COL12A1: variants seen among roughly 807,000 people sequenced by gnomAD.
COL12A1 encodes the protein collagen type XII alpha 1 chain.
A neutral mutation model predicts 349.7 loss-of-function variants in COL12A1; 114 were observed. The ratio of observed to expected loss-of-function variants is 0.33; its 90% CI spans 0.28 to 0.38. COL12A1 has a LOEUF of 0.38. Among genes scored for constraint, COL12A1 ranks in the 10% least tolerant of loss-of-function variants. The probability of loss-of-function intolerance (pLI) is 1.00; values close to 1 mark genes in which losing one functional copy is unlikely to be tolerated. For missense variants in COL12A1, 3,284 were observed against 3,756.9 expected (o/e 0.87, Z 3.29); for synonymous variants, 1,369 against 1,329.0 (o/e 1.03, Z -0.66).
At chr6:75,121,506 A>G (rs1027871528) in intron 43 of COL12A1, 65 bp from the exon 44 acceptor site, 2 of 1,456,108 alleles carry the variant, frequency 1.4e-6, no homozygotes, top group Non-Finnish European at 1.8e-6. Context: ...ATGAAATCAC[A>G]TAATTGAAAA....
chr6:75,202,189 T>A (rs574504906), intron 2 of COL12A1, among the ~76,000 whole-genome samples: 2 of 152,364 alleles, frequency 1.3e-5, no homozygotes, highest in East Asian at 3.9e-4. Flanking sequence ...CTGGCTCATC[T>A]GCCCGCACCG....
chr6:75,183,922 A>G lies in COL12A1; in HGVS notation c.1220T>C (p.Met407Thr). The G allele has an allele frequency of 6.2e-7, 1 of 1,614,130 alleles. No individual in the cohort carries two copies. The highest frequency in any genetic ancestry group is 8.5e-7 in the Non-Finnish European group (1 of 1,180,028). ...GGGTTCACTGGATGTCATTCCCTTC[A>G]TGGCGGAAACACTGATCTGGTATTC... Reference protein sequence around the residue: ...DTEYQISVSAMKGMTSSEPIS... With the variant: ...DTEYQISVSATKGMTSSEPIS... The change falls in exon 9 of 66, where the codon ATG (methionine) becomes ACG (threonine). Residue 407 changes from methionine (M) to threonine (T), a missense_variant. By Grantham distance (81) the Met-to-Thr change is moderately conservative. This residue lies in a region of COL12A1 where 2,601 missense variants were observed against 2,824.8 expected (regional missense o/e 0.92). Coordinates refer to ENST00000322507, the MANE Select transcript of COL12A1 (RefSeq NM_004370.6).
rs1163190468 is a variant in COL12A1 at position 75,189,471 on chromosome 6, T to A, written c.658+81A>T. On this transcript the variant is annotated intron_variant, in intron 6 of 65. Transcript: ENST00000322507. ...TGTGAACAATGTCAAAAATATTTAA[T>A]ATGTAATAGGCAATGCATCATTTCT... The A allele has an allele frequency of 1.9e-6, 3 of 1,569,838 alleles. No individual in the cohort carries two copies. The African/African-American group carries it at 4.1e-5, about 22-fold the overall frequency.
At chr6:75,155,976 G>C in intron 15 of COL12A1, 122 bp from the exon 16 acceptor site, 1 of 1,055,242 alleles carries the variant, frequency 9.5e-7, no homozygotes, top group Non-Finnish European at 1.3e-6. Flanking sequence ...GCACAAAATA[G>C]CATGTTCCAT....
At position 75,183,465 on chromosome 6, in the gene COL12A1, G is replaced by C; in HGVS notation, c.1476C>G (p.Phe492Leu). The C allele has an allele frequency of 1.2e-6, 2 of 1,614,128 alleles. No homozygotes were observed. The highest frequency in any genetic ancestry group is 2.2e-5 in the South Asian group (2 of 91,068). ...VQYSRDPHTEFTLKKFTKVED... is the reference protein window; with the variant it reads ...VQYSRDPHTELTLKKFTKVED... ...CAACTTTGGTGAATTTTTTCAAAGT[G>C]AACTCAGTATGAGGATCCCGGCTGT... is the stretch of plus-strand genomic sequence containing the variant. Residue 492 changes from phenylalanine to leucine, a missense_variant, in exon 10 of 66, where the codon TTC (phenylalanine) becomes TTG (leucine). This residue lies in a region of COL12A1 where 2,601 missense variants were observed against 2,824.8 expected (regional missense o/e 0.92). Transcript: ENST00000322507.
intron 37 of COL12A1, among the ~76,000 whole-genome samples, chr6:75,128,893 C>A (rs1023967423): frequency 2.6e-5 from 4 of 152,202 alleles, no homozygotes; most frequent in Non-Finnish European, 4.4e-5. Flanking sequence ...GACTAACTTT[C>A]TGGCCTCAAA....
In COL12A1 at chr6:75,125,225, G is replaced by T. The variant is rs1281116658; in HGVS notation, c.6509C>A (p.Thr2170Asn). The T allele has an allele frequency of 1.2e-6, 2 of 1,610,622 alleles. No individual in the cohort carries two copies. Among genetic ancestry groups the T allele is most frequent in the South Asian group, 1.1e-5 (1 of 90,414 alleles). The change falls in exon 40 of 66, where the codon ACC becomes AAC. Residue 2170 changes from threonine (T) to asparagine (N), a missense_variant. Coordinates refer to ENST00000322507, the MANE Select transcript of COL12A1 (RefSeq NM_004370.6). ...EAFVGEMTSY[T>N]LHNLNPSTTY... ...GGTGCTGGGATTGAGATTGTGTAAGGTATATGATGTCATTTCTCCAACAAA... is the reference window on the plus strand; with the variant it reads ...GGTGCTGGGATTGAGATTGTGTAAGTTATATGATGTCATTTCTCCAACAAA...
chr6:75,168,307 T>C (rs553935057), intron 13 of COL12A1, among the ~76,000 whole-genome samples: 18 of 152,360 alleles, frequency 1.2e-4, no homozygotes, highest in Admixed American at 9.1e-4. Context: ...GTTGTACTCA[T>C]GACAAGTAAA....
chr6:75,126,737 G>C (rs1217361608), intron 38 of COL12A1, among the ~76,000 whole-genome samples: 1 of 152,078 alleles, frequency 6.6e-6, no homozygotes, highest in East Asian at 1.9e-4. Context: ...GAGCGGAAGT[G>C]TTCTATGACT....
At position 75,182,902 on chromosome 6, in the gene COL12A1, G is replaced by GA. The variant is rs1769387351; in HGVS notation, c.1891+147dup. 4.0e-6 allele frequency: 4 copies of GA among 1,010,394 alleles called. No individual in the cohort carries two copies. The Admixed American group carries it at 1.0e-4, about 26-fold the overall frequency. 62.6% of individuals were successfully genotyped at this position (1,010,394 alleles called of 1,614,324 possible). ...GGAGAAAGTCATATCTCAGAGCTAA[G>GA]AAAACTAAGTTCAATAGTTTTCAAT... On this transcript the variant is annotated intron_variant, in intron 10 of 65. Transcript: ENST00000322507.
At chr6:75,159,692 A>G (rs777237252) in intron 14 of COL12A1, among the ~76,000 whole-genome samples, 1 of 151,710 alleles carries the variant, frequency 6.6e-6, no homozygotes, top group Non-Finnish European at 1.5e-5. Context: ...GTGGAACAAG[A>G]CATTCTCTCT....
chr6:75,156,615 C>T (rs2149424906), intron 14 of COL12A1, 92 bp from the exon 15 acceptor site: 2 of 1,207,504 alleles, frequency 1.7e-6, no homozygotes, highest in Middle Eastern at 2.0e-4. Context: ...CTCTCTGTGG[C>T]TTCTTAAATA....
At position 75,126,471 on chromosome 6, in the gene COL12A1, C is replaced by T; in HGVS notation, c.6341-1G>A. On this transcript the variant is annotated splice_acceptor_variant, in intron 38 of 65. Coordinates refer to ENST00000322507, the MANE Select transcript of COL12A1 (RefSeq NM_004370.6). LOFTEE classifies it high-confidence loss of function. Reference sequence around the variant, plus strand: ...ATGTTCTGAGGAGGAAGGAGTCCCACTGAAAACAAACATTGACACACATTA... The same window carrying T: ...ATGTTCTGAGGAGGAAGGAGTCCCATTGAAAACAAACATTGACACACATTA... 1 of 1,608,838 alleles carries T rather than the reference C, an allele frequency of 6.2e-7. No homozygotes were observed. Among genetic ancestry groups the T allele is most frequent in the Non-Finnish European group, 8.5e-7 (1 of 1,176,194 alleles).
At chr6:75,197,104 T>C (rs2149485691) in intron 2 of COL12A1, among the ~76,000 whole-genome samples, 1 of 152,342 alleles carries the variant, frequency 6.6e-6, no homozygotes. Flanking sequence ...CCATTCTATT[T>C]GTACATTTGT....
intron 46 of COL12A1, 24 bp from the exon 47 acceptor site, chr6:75,117,570 G>A (rs1338907636): frequency 6.2e-7 from 1 of 1,601,580 alleles, no homozygotes; most frequent in Non-Finnish European, 8.5e-7. Context: ...TTTATAGAAT[G>A]AATCACGTAT....
chr6:75,154,563 C>G (rs370770079), intron 16 of COL12A1, 26 bp from the exon 17 acceptor site: 353 of 1,571,416 alleles, frequency 2.2e-4, no homozygotes, highest in Non-Finnish European at 2.7e-4. Flanking sequence ...ATATATATAG[C>G]CTGTGAGAAC....
chr6:75,148,484 T>G lies in COL12A1; in HGVS notation c.4161A>C (p.Ala1387=). 1 of 1,613,040 alleles carries G rather than the reference T, an allele frequency of 6.2e-7. No homozygotes were observed. The highest frequency in any genetic ancestry group is 1.1e-5 in the South Asian group (1 of 91,002). The change falls in exon 22 of 66, where the codon GCA becomes GCC. Residue 1387 remains alanine, a synonymous_variant. Coordinates refer to ENST00000322507, the MANE Select transcript of COL12A1 (RefSeq NM_004370.6). The part of the protein sequence containing the change: ...NSVKGPGDLE[A]PSNLVISERT... The stretch of plus-strand genomic sequence containing the variant: ...GCTCAGAAATAACTAAGTTAGAAGG[T>G]GCTTCCAAATCACCTACACATGGAA...
intron 60 of COL12A1, among the ~76,000 whole-genome samples, chr6:75,093,445 T>C (rs756666607): frequency 6.6e-6 from 1 of 152,126 alleles, no homozygotes; most frequent in African/African-American, 2.4e-5. Flanking sequence ...GACCTATATA[T>C]ACCTATATGC....
intron 17 of COL12A1, 96 bp from the exon 18 acceptor site, chr6:75,152,578 T>G: frequency 7.1e-7 from 1 of 1,405,754 alleles, no homozygotes. Flanking sequence ...TCCTCAGTGT[T>G]GCCTGTCTCA....
Sources: gnomAD v4.1 joint callset for allele counts (sites outside exome capture counted in the v4.1 genomes callset) on GRCh38, gnomAD v4.1.1 for gene constraint, gnomAD v4.1.1 regional missense constraint, MANE v1.5 for transcripts, NCBI Gene and HGNC (gene_info 2026-07-23, HGNC 2026-07-21) for gene names.